Variants in RAP1B observed in about 807,000 individuals in gnomAD.
RAP1B encodes the protein ras-related protein Rap-1b.
In RAP1B, 1 loss-of-function variant was observed where a neutral mutation model predicts 27.5. That is an observed-to-expected ratio of 0.04 (90% CI 0.01 to 0.17). The LOEUF (loss-of-function observed/expected upper bound fraction) is 0.17, where lower values mean the gene tolerates loss of function less well. RAP1B is among the 10% of genes least tolerant of loss of function. The pLI is 1.00. For missense variants in RAP1B, 84 were observed against 214.8 expected (o/e 0.39, Z 3.81); for synonymous variants, 75 against 73.1 (o/e 1.03, Z -0.13).
chr12:68,616,327 C>A (rs1592416878), intron 1 of RAP1B, among the ~76,000 whole-genome samples: 1 of 151,658 alleles, frequency 6.6e-6, no homozygotes, highest in Non-Finnish European at 1.5e-5. Flanking sequence ...CTCTGTCAGT[C>A]AGGCTGGAGT....
chr12:68,622,052 C>G (rs1871421970), intron 1 of RAP1B, among the ~76,000 whole-genome samples: 1 of 152,130 alleles, frequency 6.6e-6, no homozygotes, highest in Non-Finnish European at 1.5e-5. Context: ...TCTTAAAAAG[C>G]ATGGTTTAGT....
rs942607846 is a variant in RAP1B at position 68,632,144 on chromosome 12, T to G, written c.-26-16555T>G. On this transcript the variant is annotated intron_variant, in intron 1 of 7. Coordinates refer to ENST00000250559, the MANE Select transcript of RAP1B (RefSeq NM_001010942.3). ...TTTTGGATTTGTTTTTTTTTTTTTT[T>G]TGTTTGTTTTTTTTTTCCAGACTGT... 4.7e-4 allele frequency among the ~76,000 whole-genome samples: 55 copies of G among 115,938 alleles called. 2 individuals are homozygous for G. The highest frequency in any genetic ancestry group is 8.3e-4 in the African/African-American group (23 of 27,590). 76.1% of individuals were successfully genotyped at this position (115,938 alleles called of 152,430 possible). A position where few individuals can be genotyped will look rare whatever the true frequency, so the allele number is the denominator to read the frequency against.
At position 68,661,785 on chromosome 12, in the gene RAP1B, C is replaced by T. The variant is rs1874606963; in HGVS notation, c.*2536C>T. 6.6e-6 allele frequency: 1 copy of T among 151,984 alleles called. No individual in the cohort carries two copies. Among genetic ancestry groups the T allele is most frequent in the Non-Finnish European group, 1.5e-5 (1 of 68,004 alleles). The allele number at this position is 151,984 out of a possible 1,614,324, so 9.4% of individuals were successfully genotyped here. On this transcript the variant is annotated 3_prime_UTR_variant, in exon 8 of 8. Transcript: ENST00000250559. ...ACTACTGCTCTGGTGGGAAACAACA[C>T]ATTAGTTACAGATGAGTGTTAGGGT...
chr12:68,630,610 A>ATT (rs1872164853), intron 1 of RAP1B, among the ~76,000 whole-genome samples: 1 of 152,106 alleles, frequency 6.6e-6, no homozygotes, highest in South Asian at 2.1e-4. Flanking sequence ...GTCATGAGGT[A>ATT]TTTAACCCTT....
Position 68,642,772 on chromosome 12 carries a change from A to C in RAP1B, c.-26-5927A>C, listed in dbSNP as rs1214327389. On this transcript the variant is annotated intron_variant, in intron 1 of 7. Transcript: ENST00000250559. ...CCTCTGGCACGGGAACCTTCAGGGCATTAAACTTCTTAAAGTCATCCACCA... is the reference window on the plus strand; with the variant it reads ...CCTCTGGCACGGGAACCTTCAGGGCCTTAAACTTCTTAAAGTCATCCACCA... 3.1e-5 allele frequency: 33 copies of C among 1,060,454 alleles called. No homozygotes were observed. In the Admixed American group the frequency reaches 5.6e-4, roughly 18 times the overall value. 65.7% of individuals were successfully genotyped at this position (1,060,454 alleles called of 1,614,324 possible). A position where few individuals can be genotyped will look rare whatever the true frequency, so the allele number is the denominator to read the frequency against.
chr12:68,628,749 A>G (rs1017455188), intron 1 of RAP1B, among the ~76,000 whole-genome samples: 28 of 152,300 alleles, frequency 1.8e-4, no homozygotes, highest in African/African-American at 4.6e-4. Context: ...AAAAGTGTAG[A>G]AAGAGTTTTA....
rs542970208 is a variant in RAP1B, at chr12:68,663,068, CT to C, written c.*3831del. The C allele has an allele frequency of 1.1e-3, 151 of 143,320 alleles. No individual in the cohort carries two copies. Among genetic ancestry groups the C allele is most frequent in the Non-Finnish European group, 1.1e-3 (71 of 65,004 alleles). The allele number at this position is 143,320 out of a possible 1,614,324, so 8.9% of individuals were successfully genotyped here. On this transcript the variant is annotated 3_prime_UTR_variant, in exon 8 of 8. Transcript: ENST00000250559. ...TTGAATTTTCTTTTTTTTTCTTTTT[CT>C]TTTTTTTTTTTGAGACTGAGTTTCG...
At chr12:68,617,874 C>T (rs1871135045) in intron 1 of RAP1B, among the ~76,000 whole-genome samples, 1 of 151,954 alleles carries the variant, frequency 6.6e-6, no homozygotes, top group Non-Finnish European at 1.5e-5. Flanking sequence ...AGCCATTCTC[C>T]AGCCTCAGCT....
intron 1 of RAP1B, among the ~76,000 whole-genome samples, chr12:68,643,554 T>G (rs774421856): frequency 3.9e-5 from 6 of 152,212 alleles, no homozygotes; most frequent in Admixed American, 1.3e-4. Context: ...TAATTAAGAC[T>G]TAAAGAATAG....
chr12:68,640,971 T>C (rs1459954522), intron 1 of RAP1B: 1 of 152,228 alleles, frequency 6.6e-6, no homozygotes, highest in Non-Finnish European at 1.5e-5. Context: ...ATGAAATAAT[T>C]ATCTTAGATA....
chr12:68,651,835 G>A, intron 3 of RAP1B, 160 bp from the exon 4 acceptor site: 1 of 557,956 alleles, frequency 1.8e-6, no homozygotes, highest in Non-Finnish European at 3.3e-6. Flanking sequence ...TGATTACTTA[G>A]CTATTTTTCC....
rs564545455 is a variant in RAP1B at position 68,671,423 on chromosome 12, A to G, written c.*12174A>G. ...AGGAAAAACAGAGTGCATGCCCATC[A>G]ATAGAATAGTTGAATAAATTATGAT... On this transcript the variant is annotated 3_prime_UTR_variant, in exon 8 of 8. Coordinates refer to ENST00000250559, the MANE Select transcript of RAP1B (RefSeq NM_001010942.3). The G allele has an allele frequency of 6.6e-6, 1 of 152,248 alleles. No homozygotes were observed. The highest frequency in any genetic ancestry group is 1.5e-5 in the Non-Finnish European group (1 of 68,036). 9.4% of individuals were successfully genotyped at this position (152,248 alleles called of 1,614,324 possible).
intron 1 of RAP1B, among the ~76,000 whole-genome samples, chr12:68,617,245 T>C (rs1334588016): frequency 6.6e-6 from 1 of 152,224 alleles, no homozygotes; most frequent in African/African-American, 2.4e-5. Context: ...AAGGTATGTA[T>C]GTTGCATCCA....
intron 1 of RAP1B, among the ~76,000 whole-genome samples, chr12:68,636,934 A>G (rs1021889621): frequency 1.3e-5 from 2 of 151,978 alleles, no homozygotes; most frequent in African/African-American, 4.8e-5. Flanking sequence ...GATTCCAGGC[A>G]TGAGCCACCA....
rs116887516 is a variant in RAP1B, at chr12:68,642,259, A to G, written c.-26-6440A>G. On this transcript the variant is annotated intron_variant, in intron 1 of 7. Transcript: ENST00000250559. ...TTTACAAATAAATGCTCTTGTTTATAAGGAATACCATAAAGAGAGCACATG... is the reference window on the plus strand; with the variant it reads ...TTTACAAATAAATGCTCTTGTTTATGAGGAATACCATAAAGAGAGCACATG... 6.0e-3 allele frequency among the ~76,000 whole-genome samples: 919 copies of G among 152,326 alleles called. 7 individuals carry two copies. Among genetic ancestry groups the G allele is most frequent in the Middle Eastern group, 0.014 (4 of 294 alleles).
At chr12:68,630,892 A>G (rs1188428719) in intron 1 of RAP1B, among the ~76,000 whole-genome samples, 1 of 151,752 alleles carries the variant, frequency 6.6e-6, no homozygotes, top group Admixed American at 6.6e-5. Flanking sequence ...CTTGTTGCCC[A>G]AGGATTACAG....
intron 1 of RAP1B, among the ~76,000 whole-genome samples, chr12:68,628,735 A>G (rs1872006100): frequency 6.6e-6 from 1 of 152,212 alleles, no homozygotes; most frequent in South Asian, 2.1e-4. Flanking sequence ...ATAAGCAAAA[A>G]TCCAAAAGTG....
At position 68,655,187 on chromosome 12, in the gene RAP1B, G is replaced by A. The variant is rs558702006; in HGVS notation, c.324+935G>A. ...AAAAAAAATTAGCCAGCATGGTGGC[G>A]CGTGCCTGTGGTCTCAGCTATTTGG... is the stretch of plus-strand genomic sequence containing the variant. On this transcript the variant is annotated intron_variant, in intron 5 of 7. Transcript: ENST00000250559. Among the ~76,000 whole-genome samples, 294 of 152,164 alleles carry A rather than the reference G, an allele frequency of 1.9e-3. 1 individual carries two copies. Among genetic ancestry groups the A allele is most frequent in the African/African-American group, 6.5e-3 (268 of 41,516 alleles).
chr12:68,637,019 T>G (rs1872673988), intron 1 of RAP1B, among the ~76,000 whole-genome samples: 2 of 152,130 alleles, frequency 1.3e-5, no homozygotes, highest in Admixed American at 1.3e-4. Flanking sequence ...ATGGCATCTG[T>G]CAATAATTGA....
Sources: allele counts gnomAD v4.1 joint callset (sites outside exome capture counted in the v4.1 genomes callset), GRCh38; gene constraint gnomAD v4.1.1; transcripts MANE v1.5; gene names NCBI Gene and HGNC (gene_info 2026-07-23, HGNC 2026-07-21).